The following CNTN6 variants were observed in gnomAD, a reference collection of about 807,000 sequenced individuals.
CNTN6 encodes the protein contactin 6.
A neutral mutation model predicts 122.8 loss-of-function variants in CNTN6; 137 were observed. The observed-to-expected ratio is 1.12, with a 90% CI of 0.97 to 1.29. CNTN6 has a LOEUF of 1.29. Ranked by LOEUF, CNTN6 falls within the 50% of genes most tolerant of loss-of-function variation. CNTN6 has a pLI of 0.00. For synonymous variants in CNTN6, 570 were observed against 426.0 expected (o/e 1.34, Z -4.16); for missense variants, 1,634 against 1,223.4 (o/e 1.34, Z -5.01).
At chr3:1,296,420 C>G (rs1468302091) in intron 6 of CNTN6, among the ~76,000 whole-genome samples, 1 of 151,982 alleles carries the variant, frequency 6.6e-6, no homozygotes, top group Non-Finnish European at 1.5e-5. Flanking sequence ...ATGGCTGGTA[C>G]AAGATTTAGA....
At chr3:1,333,076 G>C (rs1230068221) in intron 11 of CNTN6, among the ~76,000 whole-genome samples, 2 of 152,096 alleles carry the variant, frequency 1.3e-5, no homozygotes, top group African/African-American at 4.8e-5. Context: ...GAGTATGTAT[G>C]TGTGTATTTG....
intron 7 of CNTN6, among the ~76,000 whole-genome samples, chr3:1,300,558 AAAGAAAGAAAGAAAGAAAG>A (rs1174742945): frequency 1.1e-4 from 2 of 18,068 alleles, no homozygotes; most frequent in East Asian, 0.011. Context: ...AGAGAAAGAA[AAAGAAAGAAAGAAAGAAAG>A]AAAGAAAGAA....
intron 1 of CNTN6, among the ~76,000 whole-genome samples, chr3:1,128,114 T>C (rs2092227593): frequency 6.6e-6 from 1 of 152,032 alleles, no homozygotes; most frequent in Non-Finnish European, 1.5e-5. Context: ...TCACTTATTG[T>C]TGAATTATAG....
At chr3:1,277,233 G>A (rs574921795) in intron 4 of CNTN6, among the ~76,000 whole-genome samples, 1 of 151,412 alleles carries the variant, frequency 6.6e-6, no homozygotes, top group African/African-American at 2.4e-5. Flanking sequence ...CAATCTTCTG[G>A]TCTTCCCATT....
intron 17 of CNTN6, among the ~76,000 whole-genome samples, chr3:1,380,210 C>A (rs1010921965): frequency 6.6e-6 from 1 of 152,162 alleles, no homozygotes; most frequent in African/African-American, 2.4e-5. Context: ...AGTTCAGTCA[C>A]AATCTGCCAT....
Position 1,278,470 on chromosome 3 carries a change from G to T in CNTN6, c.416G>T (p.Gly139Val). ...RSTVSVREGQGVVLLCGPPPH... is the reference protein window; with the variant it reads ...RSTVSVREGQVVVLLCGPPPH... ...ACAGTATCTGTCCGAGAAGGTCAAG[G>T]TGTGGTGCTTCTCTGTGGCCCACCG... Residue 139 changes from glycine to valine, a missense_variant, in exon 5 of 23, where the codon GGT becomes GTT. Physicochemically the swap from Gly to Val is moderately radical, Grantham distance 109. Transcript: ENST00000446702. 6.2e-7 allele frequency: 1 copy of T among 1,612,736 alleles called. No individual in the cohort carries two copies. The highest frequency in any genetic ancestry group is 1.7e-5 in the Admixed American group (1 of 59,918).
intron 5 of CNTN6, among the ~76,000 whole-genome samples, chr3:1,292,846 G>T (rs10510207): frequency 0.097 from 14,812 of 152,034 alleles, 813 homozygotes; most frequent in African/African-American, 0.15. Context: ...CTCACTCTGA[G>T]AAAACCACTG....
In CNTN6 at chr3:1,308,287, TTGTGTGTGTGTG is replaced by T. The variant is rs113198519; in HGVS notation, c.761+10321_761+10332del. 8.8e-4 allele frequency among the ~76,000 whole-genome samples: 128 copies of T among 144,914 alleles called. 3 individuals are homozygous for T. Among genetic ancestry groups the T allele is most frequent in the Middle Eastern group, 7.0e-3 (2 of 284 alleles). ...TGCACTCATCAATGTATGGGGTGTTTTGTGTGTGTGTGTGTGTGTGTGTGTGTGTGTGTGTGC... is the reference window on the plus strand; with the variant it reads ...TGCACTCATCAATGTATGGGGTGTTTTGTGTGTGTGTGTGTGTGTGTGTGC... On this transcript the variant is annotated intron_variant, in intron 7 of 22. Coordinates refer to ENST00000446702, the MANE Select transcript of CNTN6 (RefSeq NM_001289080.2).
At chr3:1,254,832 G>A (rs1443988863) in intron 4 of CNTN6, among the ~76,000 whole-genome samples, 4 of 151,908 alleles carry the variant, frequency 2.6e-5, no homozygotes, top group African/African-American at 9.7e-5. Flanking sequence ...CCACAGTAAT[G>A]TGCTGAAACA....
chr3:1,386,643 T>TTATATATTA (rs759116487), intron 20 of CNTN6, among the ~76,000 whole-genome samples: 2 of 152,164 alleles, frequency 1.3e-5, no homozygotes, highest in Non-Finnish European at 2.9e-5. Context: ...TACATATTCC[T>TTATATATTA]TATATATTAT....
intron 2 of CNTN6, among the ~76,000 whole-genome samples, chr3:1,160,355 T>TATATATATATATATATATAA (rs2093099314): frequency 1.4e-5 from 2 of 141,394 alleles, no homozygotes; most frequent in Non-Finnish European, 3.1e-5. Flanking sequence ...TATATATATA[T>TATATATATATATATATATAA]ATATATATAT....
chr3:1,105,418 A>T (rs764553705), intron 1 of CNTN6, among the ~76,000 whole-genome samples: 28 of 152,098 alleles, frequency 1.8e-4, no homozygotes, highest in Non-Finnish European at 3.7e-4. Flanking sequence ...CGGTGAGATA[A>T]CTTGTAATTT....
At chr3:1,182,853 T>G (rs2093576830) in intron 2 of CNTN6, among the ~76,000 whole-genome samples, 1 of 152,146 alleles carries the variant, frequency 6.6e-6, no homozygotes, top group South Asian at 2.1e-4. Flanking sequence ...TTTAATTTCT[T>G]TTTTGAAAAA....
At chr3:1,118,592 G>A (rs1040512035) in intron 1 of CNTN6, among the ~76,000 whole-genome samples, 2 of 152,086 alleles carry the variant, frequency 1.3e-5, no homozygotes, top group African/African-American at 4.8e-5. Flanking sequence ...TGGTGCACAG[G>A]TGGTCAATAT....
Position 1,305,502 on chromosome 3 carries a change from C to G in CNTN6, c.761+7511C>G, listed in dbSNP as rs537438721. 5.3e-5 allele frequency among the ~76,000 whole-genome samples: 8 copies of G among 152,120 alleles called. No individual in the cohort carries two copies. The South Asian group carries it at 1.2e-3, about 24-fold the overall frequency. On this transcript the variant is annotated intron_variant, in intron 7 of 22. Coordinates refer to ENST00000446702, the MANE Select transcript of CNTN6 (RefSeq NM_001289080.2). Reference sequence around the variant, plus strand: ...CAAATTAATTGTATTGTGAAATACCCTGAGAAGCTCCTTGTATAGGTGCTA... The same window carrying G: ...CAAATTAATTGTATTGTGAAATACCGTGAGAAGCTCCTTGTATAGGTGCTA...
chr3:1,245,304 A>G (rs1162677015), intron 4 of CNTN6, among the ~76,000 whole-genome samples: 4 of 9,102 alleles, frequency 4.4e-4, no homozygotes, highest in African/African-American at 2.2e-3. Context: ...ACATATATAT[A>G]TATATATATA....
chr3:1,110,080 A>T (rs1230424529), intron 1 of CNTN6, among the ~76,000 whole-genome samples: 1 of 152,082 alleles, frequency 6.6e-6, no homozygotes, highest in Non-Finnish European at 1.5e-5. Flanking sequence ...ATATCTGACC[A>T]ATGTCCTTCT....
intron 2 of CNTN6, among the ~76,000 whole-genome samples, chr3:1,192,094 A>G (rs2093710197): frequency 6.6e-6 from 1 of 152,162 alleles, no homozygotes; most frequent in South Asian, 2.1e-4. Flanking sequence ...CTTTTAGGTC[A>G]GTCCTTCATT....
chr3:1,179,256 C>T (rs970915275), intron 2 of CNTN6, among the ~76,000 whole-genome samples: 5 of 152,132 alleles, frequency 3.3e-5, no homozygotes, highest in African/African-American at 1.2e-4. Flanking sequence ...CCAAACTATT[C>T]CCACTAGGCC....
Sources: gnomAD v4.1 joint callset for allele counts (sites outside exome capture counted in the v4.1 genomes callset) on GRCh38, gnomAD v4.1.1 for gene constraint, MANE v1.5 for transcripts, NCBI Gene and HGNC (gene_info 2026-07-23, HGNC 2026-07-21) for gene names.